FAM135B: variants seen among roughly 807,000 people sequenced by gnomAD.
FAM135B encodes protein FAM135B.
Under a neutral mutation model 127.7 loss-of-function variants are expected in FAM135B, and 43 were observed. The ratio of observed to expected loss-of-function variants is 0.34; its 90% CI spans 0.26 to 0.43. The LOEUF is 0.43. Among genes scored for constraint, FAM135B ranks in the 20% least tolerant of loss-of-function variants. The probability of loss-of-function intolerance (pLI) is 1.00; values close to 1 mark genes in which losing one functional copy is unlikely to be tolerated. For synonymous variants in FAM135B, 670 were observed against 665.1 expected, an observed-to-expected ratio of 1.01 and a Z score of -0.11; for missense variants, 1,558 against 1,725.6, an observed-to-expected ratio of 0.90 and a Z score of 1.72.
At chr8:138,297,653 A>G (rs989442093) in intron 3 of FAM135B, among the ~76,000 whole-genome samples, 12 of 152,328 alleles carry the variant, frequency 7.9e-5, no homozygotes, top group Middle Eastern at 3.4e-3. Flanking sequence ...TGAACGTCCA[A>G]TGAGAGCTGG....
At position 138,171,680 on chromosome 8, in the gene FAM135B, C is replaced by T. The variant is rs79545751; in HGVS notation, c.1104-3631G>A. ...GGCTGAGGCTGCAGCAGGAAGGTCC[C>T]GAGCACTTTTTGAGTCTGGACTCTA... On this transcript the variant is annotated intron_variant, in intron 11 of 19. Transcript: ENST00000395297. Among the ~76,000 whole-genome samples the T allele has an allele frequency of 1.9e-3, 291 of 152,234 alleles. 4 individuals carry two copies. In the East Asian group the frequency reaches 0.044, roughly 23 times the overall value.
intron 7 of FAM135B, among the ~76,000 whole-genome samples, chr8:138,206,349 C>CTATCATCCCCTCCACCTACACA (rs1817597166): frequency 5.0e-5 from 7 of 138,968 alleles, no homozygotes; most frequent in South Asian, 2.3e-4. Flanking sequence ...ACCCACAACT[C>CTATCATCCCCTCCACCTACACA]CAGCATCCCC....
At chr8:138,276,429 C>T (rs574570250) in intron 3 of FAM135B, among the ~76,000 whole-genome samples, 10 of 152,194 alleles carry the variant, frequency 6.6e-5, no homozygotes, top group Non-Finnish European at 8.8e-5. Flanking sequence ...GGCGGAGTTG[C>T]GACTACAAAA....
At chr8:138,442,521 G>C (rs1001960797) in intron 1 of FAM135B, among the ~76,000 whole-genome samples, 1 of 151,790 alleles carries the variant, frequency 6.6e-6, no homozygotes, top group African/African-American at 2.4e-5. Context: ...CGCAGATCTA[G>C]AGTTACTATT....
intron 2 of FAM135B, among the ~76,000 whole-genome samples, chr8:138,318,019 T>G (rs1045678238): frequency 5.3e-5 from 8 of 152,236 alleles, no homozygotes; most frequent in African/African-American, 1.7e-4. Flanking sequence ...ATAAAACATC[T>G]TTAAAATGCT....
At chr8:138,384,481 C>T (rs1255083106) in intron 1 of FAM135B, among the ~76,000 whole-genome samples, 1 of 152,080 alleles carries the variant, frequency 6.6e-6, no homozygotes, top group African/African-American at 2.4e-5. Context: ...GGTGCAATGA[C>T]CAGACTCCAG....
At chr8:138,322,491 C>CA (rs1459829808) in intron 2 of FAM135B, among the ~76,000 whole-genome samples, 2 of 152,214 alleles carry the variant, frequency 1.3e-5, no homozygotes, top group African/African-American at 4.8e-5. Flanking sequence ...TAAATACTGG[C>CA]AGTCCTGTCC....
chr8:138,196,086 A>G (rs371521052), intron 8 of FAM135B, among the ~76,000 whole-genome samples: 3 of 152,244 alleles, frequency 2.0e-5, no homozygotes, highest in Admixed American at 6.5e-5. Flanking sequence ...AGTCACGGCT[A>G]TGTATCCTCA....
chr8:138,314,467 A>T (rs1826922131), intron 2 of FAM135B, among the ~76,000 whole-genome samples: 1 of 152,092 alleles, frequency 6.6e-6, no homozygotes. Flanking sequence ...AAAGTGGGCA[A>T]ACGCAAGAAA....
At chr8:138,413,080 T>G (rs1172519066) in intron 1 of FAM135B, among the ~76,000 whole-genome samples, 1 of 152,230 alleles carries the variant, frequency 6.6e-6, no homozygotes, top group African/African-American at 2.4e-5. Flanking sequence ...GAAAGTTTTA[T>G]AATTCCCTAT....
At chr8:138,394,544 T>A (rs1832757552) in intron 1 of FAM135B, among the ~76,000 whole-genome samples, 1 of 152,212 alleles carries the variant, frequency 6.6e-6, no homozygotes, top group South Asian at 2.1e-4. Context: ...TGCCTGCTCT[T>A]GTGCAAACTC....
chr8:138,323,848 G>A (rs1466753980), intron 2 of FAM135B, among the ~76,000 whole-genome samples: 1 of 152,154 alleles, frequency 6.6e-6, no homozygotes, highest in Admixed American at 6.5e-5. Flanking sequence ...CCATTAAAAG[G>A]TAAGAATCTA....
At chr8:138,376,055 A>T (rs1325354603) in intron 1 of FAM135B, among the ~76,000 whole-genome samples, 1 of 152,218 alleles carries the variant, frequency 6.6e-6, no homozygotes, top group Non-Finnish European at 1.5e-5. Context: ...GTGAGGTGGC[A>T]TGATCTCGGC....
chr8:138,255,404 T>G (rs1822000413), intron 5 of FAM135B, among the ~76,000 whole-genome samples: 1 of 152,162 alleles, frequency 6.6e-6, no homozygotes, highest in Non-Finnish European at 1.5e-5. Context: ...TCCCTTTGCC[T>G]AAGCCAAGGG....
At chr8:138,245,632 C>A (rs1215284524) in intron 6 of FAM135B, among the ~76,000 whole-genome samples, 1 of 152,092 alleles carries the variant, frequency 6.6e-6, no homozygotes, top group East Asian at 1.9e-4. Flanking sequence ...TATTAATTAC[C>A]CAATCTTGGG....
intron 3 of FAM135B, among the ~76,000 whole-genome samples, chr8:138,272,128 C>A (rs1159602): frequency 0.98 from 149,239 of 152,224 alleles, 73,198 homozygotes; most frequent in East Asian, 1. Flanking sequence ...GATGAGGAAT[C>A]TTATTCAACA....
chr8:138,245,415 GT>G (rs368187475), intron 6 of FAM135B, among the ~76,000 whole-genome samples: 1 of 152,194 alleles, frequency 6.6e-6, no homozygotes, highest in East Asian at 1.9e-4. Context: ...CATGGGGGTG[GT>G]TACCTCCATG....
intron 1 of FAM135B, among the ~76,000 whole-genome samples, chr8:138,372,866 C>T (rs1831232657): frequency 1.3e-5 from 2 of 148,480 alleles, no homozygotes; most frequent in South Asian, 4.4e-4. Context: ...TCCCAGCTGC[C>T]CAACAATGGA....
chr8:138,197,069 AT>A (rs1364352210), intron 8 of FAM135B, among the ~76,000 whole-genome samples: 1 of 136,492 alleles, frequency 7.3e-6, no homozygotes, highest in Non-Finnish European at 1.5e-5. Flanking sequence ...GCATATATGT[AT>A]GCATATGTGT....
Sources: allele counts gnomAD v4.1 joint callset (sites outside exome capture counted in the v4.1 genomes callset), GRCh38; gene constraint gnomAD v4.1.1; transcripts MANE v1.5; gene names NCBI Gene and HGNC (gene_info 2026-07-23, HGNC 2026-07-21).